SULF1: variants seen among roughly 807,000 people sequenced by gnomAD.
The protein encoded by SULF1 is sulfatase 1, also known as extracellular sulfatase Sulf-1.
SULF1 carries 46 observed loss-of-function variants against 110.5 expected under a neutral mutation model. That is an observed-to-expected ratio of 0.42 (90% CI 0.33 to 0.53). SULF1 has a LOEUF of 0.53. Ranked by LOEUF, SULF1 falls within the 20% of genes least tolerant of loss-of-function variation. The probability of loss-of-function intolerance (pLI) is 0.12; values close to 1 mark genes in which losing one functional copy is unlikely to be tolerated. For missense variants in SULF1, 941 were observed against 1,094.2 expected (o/e 0.86, Z 1.98); for synonymous variants, 371 against 387.1 (o/e 0.96, Z 0.49).
intron 1 of SULF1, among the ~76,000 whole-genome samples, chr8:69,481,180 C>A (rs1241226762): frequency 6.6e-6 from 1 of 152,050 alleles, no homozygotes; most frequent in East Asian, 1.9e-4. Context: ...AGAGCATTTT[C>A]GTTCATATTT....
intron 9 of SULF1, among the ~76,000 whole-genome samples, chr8:69,601,383 C>A (rs113503817): frequency 6.6e-6 from 1 of 151,992 alleles, no homozygotes; most frequent in Non-Finnish European, 1.5e-5. Flanking sequence ...GGTTGTTGTG[C>A]GGGGTGTTTT....
chr8:69,626,270 G>T (rs528041711), intron 15 of SULF1, among the ~76,000 whole-genome samples: 1 of 149,294 alleles, frequency 6.7e-6, no homozygotes, highest in South Asian at 2.2e-4. Flanking sequence ...GGTTCTCCGA[G>T]GCCCCACCAG....
chr8:69,656,365 T>C (rs947648728), intron 22 of SULF1, among the ~76,000 whole-genome samples: 1 of 152,228 alleles, frequency 6.6e-6, no homozygotes, highest in Admixed American at 6.5e-5. Flanking sequence ...TGCGCAGGTT[T>C]GTTACATAGG....
chr8:69,557,949 A>T (rs1815224186), intron 3 of SULF1, among the ~76,000 whole-genome samples: 1 of 152,202 alleles, frequency 6.6e-6, no homozygotes, highest in Non-Finnish European at 1.5e-5. Context: ...CTACACCAGG[A>T]GGGGATGATT....
chr8:69,613,459 C>T (rs1808831516), intron 13 of SULF1, among the ~76,000 whole-genome samples: 1 of 151,672 alleles, frequency 6.6e-6, no homozygotes, highest in South Asian at 2.1e-4. Flanking sequence ...ATTCAAAATG[C>T]AGAAATTATA....
chr8:69,522,713 G>T (rs980027623), intron 3 of SULF1, among the ~76,000 whole-genome samples: 2 of 152,156 alleles, frequency 1.3e-5, no homozygotes, highest in Non-Finnish European at 2.9e-5. Flanking sequence ...ATGGGTGGAG[G>T]AGTTTTGGGT....
rs117005931 is a variant in SULF1 at position 69,523,089 on chromosome 8, A to T, written c.-134+21121A>T. 7.4e-3 allele frequency among the ~76,000 whole-genome samples: 1,132 copies of T among 152,338 alleles called. 8 individuals are homozygous for T. The highest frequency in any genetic ancestry group is 0.012 in the Non-Finnish European group (846 of 68,024). ...TATAATTTTGAGGAGAAGCATGATC[A>T]TCTGGGTAAAAAAGAAGAGTATTGC... On this transcript the variant is annotated intron_variant, in intron 3 of 22. Coordinates refer to ENST00000402687, the MANE Select transcript of SULF1 (RefSeq NM_001128205.2).
At chr8:69,523,727 C>T (rs888957809) in intron 3 of SULF1, among the ~76,000 whole-genome samples, 7 of 151,800 alleles carry the variant, frequency 4.6e-5, no homozygotes, top group Non-Finnish European at 8.8e-5. Flanking sequence ...CATCAGGGGC[C>T]GGTGAAGGAG....
chr8:69,626,567 G>A (rs1345141375), intron 15 of SULF1, among the ~76,000 whole-genome samples: 1 of 152,248 alleles, frequency 6.6e-6, no homozygotes, highest in Non-Finnish European at 1.5e-5. Context: ...GGGCTGCACA[G>A]GAGCCCATGG....
At chr8:69,486,515 T>C (rs1809719290) in intron 1 of SULF1, among the ~76,000 whole-genome samples, 1 of 152,210 alleles carries the variant, frequency 6.6e-6, no homozygotes, top group Non-Finnish European at 1.5e-5. Context: ...TTAAATTTCC[T>C]ACGCTGGTAA....
chr8:69,625,147 G>A (rs576924275), intron 15 of SULF1, among the ~76,000 whole-genome samples: 26 of 152,350 alleles, frequency 1.7e-4, no homozygotes, highest in African/African-American at 6.0e-4. Context: ...TTAACAAAAT[G>A]AGTGGAATGA....
intron 3 of SULF1, among the ~76,000 whole-genome samples, chr8:69,523,434 T>C (rs1020599855): frequency 2.0e-5 from 3 of 152,074 alleles, no homozygotes; most frequent in African/African-American, 7.2e-5. Context: ...CAATAAAGTA[T>C]GTTTGCGAGG....
At chr8:69,479,633 G>A (rs1269270608) in intron 1 of SULF1, among the ~76,000 whole-genome samples, 1 of 152,072 alleles carries the variant, frequency 6.6e-6, no homozygotes, top group Non-Finnish European at 1.5e-5. Context: ...ACAGAATGTT[G>A]GAGGCGTACC....
intron 5 of SULF1, among the ~76,000 whole-genome samples, chr8:69,571,186 A>T (rs1317881419): frequency 6.6e-6 from 1 of 152,240 alleles, no homozygotes; most frequent in Non-Finnish European, 1.5e-5. Flanking sequence ...CTTCAGATGT[A>T]GATTACAGAG....
chr8:69,482,390 C>G (rs1206517253), intron 1 of SULF1, among the ~76,000 whole-genome samples: 1 of 152,120 alleles, frequency 6.6e-6, no homozygotes, highest in Non-Finnish European at 1.5e-5. Flanking sequence ...TTGGTTTTGA[C>G]AACCTTATGG....
chr8:69,476,160 A>G (rs1765205868), intron 1 of SULF1, among the ~76,000 whole-genome samples: 3 of 152,204 alleles, frequency 2.0e-5, no homozygotes, highest in Admixed American at 2.0e-4. Context: ...GCTGATTGAC[A>G]TCCTTTCACA....
At position 69,617,399 on chromosome 8, in the gene SULF1, A is replaced by G. The variant is rs1415708124; in HGVS notation, c.1378-3636A>G. Among the ~76,000 whole-genome samples the G allele has an allele frequency of 1.9e-3, 69 of 36,212 alleles. 2 individuals carry two copies. Among genetic ancestry groups the G allele is most frequent in the African/African-American group, 5.2e-3 (27 of 5,182 alleles). 23.8% of individuals were successfully genotyped at this position (36,212 alleles called of 152,430 possible). On this transcript the variant is annotated intron_variant, in intron 13 of 22. Transcript: ENST00000402687. ...TATATATATATATATATATATATAT[A>G]TATATATATATATATATATATATAT...
chr8:69,542,479 T>C (rs1459132626), intron 3 of SULF1, among the ~76,000 whole-genome samples: 1 of 152,062 alleles, frequency 6.6e-6, no homozygotes, highest in African/African-American at 2.4e-5. Context: ...CTTCTCCACT[T>C]TGAGAAACAG....
chr8:69,479,396 G>A (rs756876961), intron 1 of SULF1, among the ~76,000 whole-genome samples: 7 of 152,250 alleles, frequency 4.6e-5, no homozygotes, highest in East Asian at 1.9e-4. Flanking sequence ...ATAGTAAATC[G>A]TATTGGGTGT....
Sources: gnomAD v4.1 joint callset for allele counts (sites outside exome capture counted in the v4.1 genomes callset) on GRCh38, gnomAD v4.1.1 for gene constraint, MANE v1.5 for transcripts, NCBI Gene and HGNC (gene_info 2026-07-23, HGNC 2026-07-21) for gene names.